FGF16: variants seen among roughly 807,000 people sequenced by gnomAD.
FGF16 encodes the protein metacarpal 4-5 fusion.
A neutral mutation model predicts 8.5 loss-of-function variants in FGF16; 2 were observed. That is an observed-to-expected ratio of 0.24 (90% confidence interval 0.10 to 0.75). The LOEUF (loss-of-function observed/expected upper bound fraction) is 0.75, where lower values mean the gene tolerates loss of function less well. FGF16 is among the 30% of genes least tolerant of loss of function. FGF16 has a pLI of 0.74. For synonymous variants in FGF16, 33 were observed against 34.6 expected (o/e 0.95, Z 0.16); for missense variants, 79 against 87.4 (o/e 0.90, Z 0.38).
intron 2 of FGF16, among the ~76,000 whole-genome samples, chrX:77,455,988 C>G (rs1219511862): frequency 2.7e-5 from 3 of 112,332 alleles, no homozygotes; most frequent in Non-Finnish European, 5.6e-5. Context: ...GCCATAGCAG[C>G]AATTCTCAGG....
At chrX:77,456,238 T>C (rs1172932034) in intron 2 of FGF16, 39 bp from the exon 3 acceptor site, 1 of 1,184,840 alleles carries the variant, frequency 8.4e-7, no homozygotes, top group African/African-American at 1.8e-5. Flanking sequence ...GGAGAAATAG[T>C]CATATAATGG....
chrX:77,454,185 G>A lies in FGF16; in HGVS notation c.303G>A (p.Val101=), dbSNP rs782436226. ...FGILEFISLA[V]GLISIRGVDS... is the part of the protein sequence containing the mutation. ...TCCTGGAGTTTATCAGCCTGGCTGT[G>A]GGGCTGATCAGCATCCGGGGAGTGG... Residue 101 remains valine (V), a synonymous_variant, in exon 2 of 3, where the codon GTG becomes GTA. Coordinates refer to ENST00000439435, the MANE Select transcript of FGF16 (RefSeq NM_003868.3). 73 of 1,198,103 alleles carry A rather than the reference G, an allele frequency of 6.1e-5. No individual in the cohort carries two copies. In the Middle Eastern group the frequency reaches 1.1e-3, roughly 19 times the overall value.
intron 1 of FGF16, among the ~76,000 whole-genome samples, chrX:77,449,129 A>G (rs887627692): frequency 9.0e-6 from 1 of 111,730 alleles, no homozygotes; most frequent in African/African-American, 3.3e-5. Flanking sequence ...AGTGCACAGC[A>G]AAAAGGGGAA....
At position 77,447,931 on chromosome X, in the gene FGF16, A is replaced by G. The variant is rs1181865833; in HGVS notation, c.257A>G (p.His86Arg). Reference sequence around the variant, plus strand: ...AACGGCACGGTGCACGGGACCCGCCACGACCACAGCCGCTTCGGTGAGGAC... The same window carrying G: ...AACGGCACGGTGCACGGGACCCGCCGCGACCACAGCCGCTTCGGTGAGGAC... The part of the protein sequence containing the change: ...FPNGTVHGTR[H>R]DHSRFGILEF... The change falls in exon 1 of 3, where the codon CAC becomes CGC. Residue 86 changes from histidine (H) to arginine (R), a missense_variant. By Grantham distance (29) the His-to-Arg change is conservative. Transcript: ENST00000439435. The G allele has an allele frequency of 3.4e-6, 1 of 296,979 alleles. No individual in the cohort carries two copies. The highest frequency in any genetic ancestry group is 5.9e-6 in the Non-Finnish European group (1 of 170,188). 24.5% of individuals were successfully genotyped at this position (296,979 alleles called of 1,213,427 possible).
In FGF16 at chrX:77,456,388, G is replaced by C; in HGVS notation, c.490G>C (p.Ala164Pro). 1 of 1,210,742 alleles carries C rather than the reference G, an allele frequency of 8.3e-7. No individual in the cohort carries two copies. Among genetic ancestry groups the C allele is most frequent in the Non-Finnish European group, 1.1e-6 (1 of 894,745 alleles). Residue 164 changes from alanine (A) to proline (P), a missense_variant, in exon 3 of 3, where the codon GCC (alanine) becomes CCC (proline). Ala to Pro is a conservative substitution (Grantham distance 27). Coordinates refer to ENST00000439435, the MANE Select transcript of FGF16 (RefSeq NM_003868.3). Reference sequence around the variant, plus strand: ...GGACTCAGAGAGACAGTATTACGTGGCCCTGAACAAAGATGGCTCACCCCG... The same window carrying C: ...GGACTCAGAGAGACAGTATTACGTGCCCCTGAACAAAGATGGCTCACCCCG... ...HSDSERQYYV[A>P]LNKDGSPREG...
At chrX:77,454,122 C>A in intron 1 of FGF16, 35 bp from the exon 2 acceptor site, 1 of 935,709 alleles carries the variant, frequency 1.1e-6, no homozygotes, top group Non-Finnish European at 1.5e-6. Flanking sequence ...TAGTTTGATG[C>A]TGGTAATGGG....
In FGF16 at chrX:77,447,718, T is replaced by C. The variant is rs2147424275; in HGVS notation, c.44T>C (p.Leu15Pro). The change falls in exon 1 of 3, where the codon CTA becomes CCA. Residue 15 changes from leucine (L) to proline (P), a missense_variant. Physicochemically the swap from Leu to Pro is moderately conservative, Grantham distance 98. Transcript: ENST00000439435. ...GGVFASLDWDLHGFSSSLGNV... is the reference protein window; with the variant it reads ...GGVFASLDWDPHGFSSSLGNV... ...GTCTTCGCCTCCTTGGACTGGGATC[T>C]ACACGGCTTCTCCTCGTCTCTGGGG... 1 of 297,962 alleles carries C rather than the reference T, an allele frequency of 3.4e-6. No homozygotes were observed. The highest frequency in any genetic ancestry group is 4.7e-5 in the East Asian group (1 of 21,064). 24.6% of individuals were successfully genotyped at this position (297,962 alleles called of 1,213,427 possible).
intron 1 of FGF16, among the ~76,000 whole-genome samples, chrX:77,452,681 A>G (rs1480592443): frequency 8.9e-6 from 1 of 112,628 alleles, no homozygotes; most frequent in Non-Finnish European, 1.9e-5. Context: ...ACTTCCCAGT[A>G]GAGTTTTAAC....
In FGF16 at chrX:77,457,160, T is replaced by C. The variant is rs1193884113; in HGVS notation, c.*638T>C. On this transcript the variant is annotated 3_prime_UTR_variant, in exon 3 of 3. Coordinates refer to ENST00000439435, the MANE Select transcript of FGF16 (RefSeq NM_003868.3). ...TATTTATTTCAAAATAATAATTTTA[T>C]TTTTAATGAGAGATGCGATGGCTGG... 2.7e-5 allele frequency: 3 copies of C among 112,235 alleles called. No homozygotes were observed. Among genetic ancestry groups the C allele is most frequent in the Non-Finnish European group, 3.8e-5 (2 of 53,260 alleles). 9.2% of individuals were successfully genotyped at this position (112,235 alleles called of 1,213,427 possible).
chrX:77,456,683 G>C lies in FGF16; in HGVS notation c.*161G>C, dbSNP rs782761047. The C allele has an allele frequency of 6.8e-5, 34 of 496,392 alleles. No individual in the cohort carries two copies. In the East Asian group the frequency reaches 1.0e-3, roughly 15 times the overall value. The allele number at this position is 496,392 out of a possible 1,213,427, so 40.9% of individuals were successfully genotyped here. ...CCCAGCTGTTCCCTTGTTGTTCAAAGTGTATATCAAGGTTGGGTTATTTTG... is the reference window on the plus strand; with the variant it reads ...CCCAGCTGTTCCCTTGTTGTTCAAACTGTATATCAAGGTTGGGTTATTTTG... On this transcript the variant is annotated 3_prime_UTR_variant, in exon 3 of 3. Transcript: ENST00000439435.
chrX:77,451,239 C>G (rs2062556375), intron 1 of FGF16, among the ~76,000 whole-genome samples: 1 of 111,735 alleles, frequency 8.9e-6, no homozygotes, highest in Non-Finnish European at 1.9e-5. Flanking sequence ...TGTGGTGACT[C>G]AAATGGCCAC....
intron 1 of FGF16, among the ~76,000 whole-genome samples, chrX:77,449,877 CT>C (rs1403950010): frequency 8.9e-6 from 1 of 112,210 alleles, no homozygotes; most frequent in Non-Finnish European, 1.9e-5. Flanking sequence ...ACAACACTGG[CT>C]AAGAGCACCT....
At chrX:77,451,015 G>T (rs1468488364) in intron 1 of FGF16, among the ~76,000 whole-genome samples, 9 of 112,058 alleles carry the variant, frequency 8.0e-5, no homozygotes, top group Non-Finnish European at 1.5e-4. Flanking sequence ...TTCAGGAGAA[G>T]GTTTAGGAAT....
At chrX:77,455,076 G>A (rs1459074153) in intron 2 of FGF16, among the ~76,000 whole-genome samples, 2 of 111,931 alleles carry the variant, frequency 1.8e-5, no homozygotes, top group Admixed American at 9.5e-5. Flanking sequence ...TGGGATTACA[G>A]GCATGAGCCA....
In FGF16 at chrX:77,447,880, C is replaced by T; in HGVS notation, c.206C>T (p.Thr69Ile). Reference protein sequence around the residue: ...ILRRRQLYCRTGFHLEIFPNG... With the variant: ...ILRRRQLYCRIGFHLEIFPNG... ...CGGCGCCGCCAGCTCTACTGCCGCACCGGCTTCCACCTGGAGATCTTCCCC... is the reference window on the plus strand; with the variant it reads ...CGGCGCCGCCAGCTCTACTGCCGCATCGGCTTCCACCTGGAGATCTTCCCC... The change falls in exon 1 of 3, where the codon ACC becomes ATC. Residue 69 changes from threonine (T) to isoleucine (I), a missense_variant. Thr to Ile is a moderately conservative substitution (Grantham distance 89). Transcript: ENST00000439435. The T allele has an allele frequency of 3.4e-6, 1 of 298,237 alleles. No individual in the cohort carries two copies. Among genetic ancestry groups the T allele is most frequent in the Non-Finnish European group, 5.9e-6 (1 of 170,471 alleles). The allele number at this position is 298,237 out of a possible 1,213,427, so 24.6% of individuals were successfully genotyped here.
intron 1 of FGF16, among the ~76,000 whole-genome samples, chrX:77,450,623 T>G (rs1355573743): frequency 8.9e-6 from 1 of 112,465 alleles, no homozygotes; most frequent in Non-Finnish European, 1.9e-5. Context: ...AAAGCAGCAC[T>G]GTCTCGGCCC....
At chrX:77,452,672 C>A (rs186521603) in intron 1 of FGF16, among the ~76,000 whole-genome samples, 5 of 112,723 alleles carry the variant, frequency 4.4e-5, no homozygotes, top group African/African-American at 1.6e-4. Flanking sequence ...CCTCAGGAGA[C>A]TTCCCAGTAG....
chrX:77,447,744 A>C lies in FGF16; in HGVS notation c.70A>C (p.Asn24His). ...DLHGFSSSLGNVPLADSPGFL... is the reference protein window; with the variant it reads ...DLHGFSSSLGHVPLADSPGFL... Reference sequence around the variant, plus strand: ...ACACGGCTTCTCCTCGTCTCTGGGGAACGTGCCCTTAGCTGACTCCCCAGG... The same window carrying C: ...ACACGGCTTCTCCTCGTCTCTGGGGCACGTGCCCTTAGCTGACTCCCCAGG... The change falls in exon 1 of 3, where the codon AAC becomes CAC. Residue 24 changes from asparagine (N) to histidine (H), a missense_variant. By Grantham distance (68) the Asn-to-His change is moderately conservative. Coordinates refer to ENST00000439435, the MANE Select transcript of FGF16 (RefSeq NM_003868.3). The C allele has an allele frequency of 3.4e-6, 1 of 297,724 alleles. No individual in the cohort carries two copies. The highest frequency in any genetic ancestry group is 5.9e-6 in the Non-Finnish European group (1 of 170,309). The allele number at this position is 297,724 out of a possible 1,213,427, so 24.5% of individuals were successfully genotyped here.
intron 1 of FGF16, among the ~76,000 whole-genome samples, chrX:77,450,162 A>T (rs2062552740): frequency 8.9e-6 from 1 of 112,413 alleles, no homozygotes; most frequent in Non-Finnish European, 1.9e-5. Flanking sequence ...TCAACATTCC[A>T]GCAGGGTAAA....
Sources: gnomAD v4.1 joint callset for allele counts (sites outside exome capture counted in the v4.1 genomes callset) on GRCh38, gnomAD v4.1.1 for gene constraint, MANE v1.5 for transcripts, NCBI Gene and HGNC (gene_info 2026-07-23, HGNC 2026-07-21) for gene names.